NOLC1: variants seen among roughly 807,000 people sequenced by gnomAD.
NOLC1 encodes nucleolar and coiled-body phosphoprotein 1, also known as 140 kDa nucleolar phosphoprotein.
NOLC1 carries 37 observed loss-of-function variants against 73.4 expected under a neutral mutation model. That is an observed-to-expected ratio of 0.50 (90% CI 0.39 to 0.66). NOLC1 has a LOEUF of 0.66. NOLC1 is among the 30% of genes least tolerant of loss of function. NOLC1 has a pLI of 0.00. For synonymous variants in NOLC1, 327 were observed against 302.6 expected (o/e 1.08, Z -0.84); for missense variants, 921 against 838.9 (o/e 1.10, Z -1.21).
At chr10:102,159,683 C>T in intron 7 of NOLC1, 115 bp downstream of exon 7, 2 of 1,185,112 alleles carry the variant, frequency 1.7e-6, no homozygotes, top group Non-Finnish European at 2.3e-6. Flanking sequence ...CAGCTAGCTT[C>T]TCCGAGCACT....
Position 102,162,351 on chromosome 10 carries a change from C to T in NOLC1, c.*82C>T. 6.8e-7 allele frequency: 1 copy of T among 1,460,880 alleles called. No individual in the cohort carries two copies. The allele number at this position is 1,460,880 out of a possible 1,614,324, so 90.5% of individuals were successfully genotyped here. A position where few individuals can be genotyped will look rare whatever the true frequency, so the allele number is the denominator to read the frequency against. On this transcript the variant is annotated 3_prime_UTR_variant, in exon 13 of 13. Transcript: ENST00000605788. ...AGTGGACCTGGGAACCCTCAGGTCT[C>T]TAGGTGAGGGTCTTGATGAGGACAG...
intron 11 of NOLC1, 24 bp downstream of exon 11, chr10:102,161,686 A>C: frequency 6.3e-7 from 1 of 1,595,282 alleles, no homozygotes; most frequent in Non-Finnish European, 8.6e-7. Context: ...CTTTCTTCTC[A>C]GGAGCCAGCT....
intron 1 of NOLC1, among the ~76,000 whole-genome samples, chr10:102,155,625 C>T (rs1554926628): frequency 1.3e-5 from 2 of 151,470 alleles, no homozygotes; most frequent in Non-Finnish European, 2.9e-5. Context: ...TCTCCTGCCT[C>T]AGCCTCCTGA....
Position 102,152,733 on chromosome 10 carries a change from T to C in NOLC1, c.120+203T>C, listed in dbSNP as rs912542928. On this transcript the variant is annotated intron_variant, in intron 1 of 12. Coordinates refer to ENST00000605788, the MANE Select transcript of NOLC1 (RefSeq NM_004741.5). The stretch of plus-strand genomic sequence containing the variant: ...TCCTCCATGTCTGAGTAGATATCGC[T>C]GAGTCTTGTTGCTTTTTTCTTGTGA... 2.0e-4 allele frequency among the ~76,000 whole-genome samples: 31 copies of C among 152,336 alleles called. 1 individual carries two copies. The South Asian group carries it at 3.1e-3, about 15-fold the overall frequency.
At chr10:102,159,663 C>G in intron 7 of NOLC1, 95 bp downstream of exon 7, 1 of 1,301,380 alleles carries the variant, frequency 7.7e-7, no homozygotes, top group Non-Finnish European at 1.1e-6. Flanking sequence ...TGAGCGTCCT[C>G]ATGACATGAC....
In NOLC1 at chr10:102,160,449, T is replaced by C. The variant is rs2069682016; in HGVS notation, c.1100-3T>C. On this transcript the variant is annotated splice_region_variant and splice_polypyrimidine_tract_variant and intron_variant, in intron 9 of 12. Transcript: ENST00000605788. ...CTGTTGATTCCATCCCTTCTGTGTC[T>C]AGACTCTGACAGCTCTGAGGATGAT... The C allele has an allele frequency of 1.2e-6, 2 of 1,612,910 alleles. No homozygotes were observed. Among genetic ancestry groups the C allele is most frequent in the African/African-American group, 2.7e-5 (2 of 74,806 alleles).
In NOLC1 at chr10:102,161,815, T is replaced by A; in HGVS notation, c.1849-18T>A. 6.2e-7 allele frequency: 1 copy of A among 1,611,380 alleles called. No homozygotes were observed. Among genetic ancestry groups the A allele is most frequent in the Middle Eastern group, 1.7e-4 (1 of 6,058 alleles). ...CATGACCACTCTGTCTTTAATTTCC[T>A]ACTTCATTCTTCTGTAGGGAGAAAA... On this transcript the variant is annotated intron_variant, in intron 11 of 12. Coordinates refer to ENST00000605788, the MANE Select transcript of NOLC1 (RefSeq NM_004741.5).
chr10:102,157,673 A>G (rs2069622423), intron 4 of NOLC1, 118 bp downstream of exon 4: 7 of 1,222,384 alleles, frequency 5.7e-6, no homozygotes, highest in Non-Finnish European at 7.8e-6. Context: ...GATTATGAGG[A>G]AGAAAATCTG....
chr10:102,154,940 C>T (rs1331470776), intron 1 of NOLC1, among the ~76,000 whole-genome samples: 2 of 152,002 alleles, frequency 1.3e-5, no homozygotes, highest in Non-Finnish European at 2.9e-5. Flanking sequence ...GCTGTAGCAT[C>T]GAACTCCTGG....
Position 102,152,445 on chromosome 10 carries a change from G to T in NOLC1, c.35G>T (p.Ser12Ile). Residue 12 changes from serine to isoleucine, a missense_variant, in exon 1 of 13, where the codon AGC (serine) becomes ATC (isoleucine). Physicochemically the swap from Ser to Ile is moderately radical, Grantham distance 142. Coordinates refer to ENST00000605788, the MANE Select transcript of NOLC1 (RefSeq NM_004741.5). ...GCCGGCATTCGCCGCGTGGTTCCCA[G>T]CGACCTGTATCCCCTCGTGCTCGGC... Reference protein sequence around the residue: ...ADAGIRRVVPSDLYPLVLGFL... With the variant: ...ADAGIRRVVPIDLYPLVLGFL... 1 of 1,612,906 alleles carries T rather than the reference G, an allele frequency of 6.2e-7. No homozygotes were observed. Among genetic ancestry groups the T allele is most frequent in the Non-Finnish European group, 8.5e-7 (1 of 1,180,026 alleles).
intron 8 of NOLC1, 89 bp from the exon 9 acceptor site, chr10:102,160,144 G>T: frequency 1.3e-6 from 2 of 1,577,036 alleles, no homozygotes; most frequent in South Asian, 2.3e-5. Flanking sequence ...ACAGAGCTAA[G>T]GCTCTGTGCG....
At chr10:102,158,380 T>C (rs1325572497) in intron 5 of NOLC1, among the ~76,000 whole-genome samples, 166 bp downstream of exon 5, 2 of 152,176 alleles carry the variant, frequency 1.3e-5, no homozygotes, top group Admixed American at 1.3e-4. Flanking sequence ...ATAACAAGAT[T>C]TCATAGGAGC....
intron 5 of NOLC1, among the ~76,000 whole-genome samples, chr10:102,158,614 A>G (rs1410043152): frequency 6.6e-6 from 1 of 151,972 alleles, no homozygotes; most frequent in Non-Finnish European, 1.5e-5. Context: ...GTAACTTGTG[A>G]TGAGGGTTAG....
At chr10:102,155,067 G>C (rs1165522917) in intron 1 of NOLC1, among the ~76,000 whole-genome samples, 1 of 146,972 alleles carries the variant, frequency 6.8e-6, no homozygotes, top group Non-Finnish European at 1.5e-5. Context: ...TTGTTGCCCA[G>C]GCTGGAGTGC....
rs2069689936 is a variant in NOLC1 at position 102,160,667 on chromosome 10, A to G, written c.1315A>G (p.Lys439Glu). 3 of 1,613,964 alleles carry G rather than the reference A, an allele frequency of 1.9e-6. No homozygotes were observed. Among genetic ancestry groups the G allele is most frequent in the Admixed American group, 1.7e-5 (1 of 59,988 alleles). The change falls in exon 10 of 13, where the codon AAG becomes GAG. Residue 439 changes from lysine to glutamate, a missense_variant. Coordinates refer to ENST00000605788, the MANE Select transcript of NOLC1 (RefSeq NM_004741.5). Reference protein sequence around the residue: ...ESSSSEEEKTKKMVATTKPKA... With the variant: ...ESSSSEEEKTEKMVATTKPKA... ...CAGCTCCAGTGAGGAGGAGAAGACAAAGAAGATGGTGGCCACCACTAAGCC... is the reference window on the plus strand; with the variant it reads ...CAGCTCCAGTGAGGAGGAGAAGACAGAGAAGATGGTGGCCACCACTAAGCC...
Position 102,162,365 on chromosome 10 carries a change from T to C in NOLC1, c.*96T>C, listed in dbSNP as rs1488781030. 10 of 1,350,704 alleles carry C rather than the reference T, an allele frequency of 7.4e-6. No individual in the cohort carries two copies. Among genetic ancestry groups the C allele is most frequent in the Non-Finnish European group, 1.0e-5 (10 of 973,912 alleles). 83.7% of individuals were successfully genotyped at this position (1,350,704 alleles called of 1,614,324 possible). A position where few individuals can be genotyped will look rare whatever the true frequency, so the allele number is the denominator to read the frequency against. On this transcript the variant is annotated 3_prime_UTR_variant, in exon 13 of 13. Coordinates refer to ENST00000605788, the MANE Select transcript of NOLC1 (RefSeq NM_004741.5). ...CCCTCAGGTCTCTAGGTGAGGGTCT[T>C]GATGAGGACAGAAGTTTAGAGTAGG...
At position 102,162,324 on chromosome 10, in the gene NOLC1, C is replaced by T; in HGVS notation, c.*55C>T. 8 of 1,583,606 alleles carry T rather than the reference C, an allele frequency of 5.1e-6. No individual in the cohort carries two copies. The highest frequency in any genetic ancestry group is 1.7e-4 in the Middle Eastern group (1 of 5,922). ...GATGATCGGAGACTACTTACTTTCT[C>T]CAGTGGACCTGGGAACCCTCAGGTC... On this transcript the variant is annotated 3_prime_UTR_variant, in exon 13 of 13. Transcript: ENST00000605788.
intron 1 of NOLC1, among the ~76,000 whole-genome samples, chr10:102,155,492 G>T (rs539439829): frequency 4.0e-4 from 60 of 150,350 alleles, no homozygotes; most frequent in Non-Finnish European, 5.9e-5. Flanking sequence ...CAAAGTGTTA[G>T]CGTACCTGCG....
chr10:102,162,172 A>T lies in NOLC1; in HGVS notation c.2003A>T (p.Lys668Met). The change falls in exon 13 of 13, where the codon AAG (lysine) becomes ATG (methionine). Residue 668 changes from lysine (K) to methionine (M), a missense_variant. Coordinates refer to ENST00000605788, the MANE Select transcript of NOLC1 (RefSeq NM_004741.5). ...ANQVLKFTKG[K>M]SFRHEKTKKK... Reference sequence around the variant, plus strand: ...CAGGTTTTGAAGTTCACCAAAGGCAAGTCCTTTCGGCATGAGAAAACCAAG... The same window carrying T: ...CAGGTTTTGAAGTTCACCAAAGGCATGTCCTTTCGGCATGAGAAAACCAAG... The T allele has an allele frequency of 3.1e-6, 5 of 1,614,156 alleles. No individual in the cohort carries two copies. The highest frequency in any genetic ancestry group is 4.2e-6 in the Non-Finnish European group (5 of 1,180,046).
Sources: gnomAD v4.1 joint callset for allele counts (sites outside exome capture counted in the v4.1 genomes callset) on GRCh38, gnomAD v4.1.1 for gene constraint, MANE v1.5 for transcripts, NCBI Gene and HGNC (gene_info 2026-07-23, HGNC 2026-07-21) for gene names.